The following OPCML variants were observed in gnomAD, a reference collection of about 807,000 sequenced individuals.
The protein encoded by OPCML is opioid binding protein/cell adhesion molecule like.
A neutral mutation model predicts 37.8 loss-of-function variants in OPCML; 13 were observed. The observed-to-expected ratio is 0.34, with a 90% confidence interval of 0.22 to 0.55. OPCML has a LOEUF of 0.55. Ranked by LOEUF, OPCML falls within the 20% of genes least tolerant of loss-of-function variation. The probability of loss-of-function intolerance (pLI) is 0.91; values close to 1 mark genes in which losing one functional copy is unlikely to be tolerated. For synonymous variants in OPCML, 176 were observed against 168.8 expected, an observed-to-expected ratio of 1.04 and a Z score of -0.33; for missense variants, 341 against 435.6, an observed-to-expected ratio of 0.78 and a Z score of 1.93.
At chr11:133,514,608 C>T (rs1565677507) in intron 1 of OPCML, among the ~76,000 whole-genome samples, 1 of 152,196 alleles carries the variant, frequency 6.6e-6, no homozygotes, top group Non-Finnish European at 1.5e-5. Flanking sequence ...GGACAATTCT[C>T]ACTTTTTTAT....
intron 2 of OPCML, among the ~76,000 whole-genome samples, chr11:132,760,425 G>C (rs1197722629): frequency 6.6e-6 from 1 of 152,090 alleles, no homozygotes; most frequent in Non-Finnish European, 1.5e-5. Context: ...CTTATTGTGT[G>C]GGAGTCTGAG....
intron 1 of OPCML, among the ~76,000 whole-genome samples, chr11:133,070,871 G>T (rs1169471222): frequency 1.3e-5 from 2 of 152,278 alleles, no homozygotes; most frequent in East Asian, 1.9e-4. Context: ...GGGCAGGAGA[G>T]TTCATACCCT....
At chr11:132,679,412 T>C (rs1256013761) in intron 2 of OPCML, among the ~76,000 whole-genome samples, 2 of 152,342 alleles carry the variant, frequency 1.3e-5, no homozygotes, top group South Asian at 2.1e-4. Context: ...TTCAGCCATA[T>C]ATAAAGAATA....
At chr11:133,418,712 C>T (rs1051851440) in intron 1 of OPCML, among the ~76,000 whole-genome samples, 6 of 152,236 alleles carry the variant, frequency 3.9e-5, no homozygotes, top group African/African-American at 1.4e-4. Context: ...TAATGAAAGG[C>T]CACCAGTTTA....
At chr11:132,678,106 C>T (rs929950578) in intron 2 of OPCML, among the ~76,000 whole-genome samples, 13 of 152,020 alleles carry the variant, frequency 8.6e-5, no homozygotes, top group African/African-American at 3.1e-4. Context: ...GACACCTCAC[C>T]AAAGAAGACA....
At chr11:132,637,616 G>A (rs1228853168) in intron 3 of OPCML, among the ~76,000 whole-genome samples, 1 of 151,936 alleles carries the variant, frequency 6.6e-6, no homozygotes, top group African/African-American at 2.4e-5. Context: ...GTCTTTGCTT[G>A]GACTTTTGAT....
intron 3 of OPCML, among the ~76,000 whole-genome samples, chr11:132,576,074 C>T (rs1196203772): frequency 1.3e-5 from 2 of 151,858 alleles, no homozygotes; most frequent in Non-Finnish European, 2.9e-5. Context: ...TCTCTTGATA[C>T]TTTCAAAACT....
chr11:133,063,018 G>A (rs959262354), intron 1 of OPCML, among the ~76,000 whole-genome samples: 3 of 152,358 alleles, frequency 2.0e-5, no homozygotes, highest in Middle Eastern at 3.4e-3. Context: ...ATGGCCGGGG[G>A]CCAGCATGGG....
chr11:132,626,936 C>A (rs926009055), intron 3 of OPCML, among the ~76,000 whole-genome samples: 16 of 148,438 alleles, frequency 1.1e-4, no homozygotes, highest in Non-Finnish European at 1.8e-4. Context: ...ATATATATAG[C>A]TTTAAAAAAT....
At chr11:132,435,237 C>T (rs2096009128) in intron 7 of OPCML, 3 of 1,289,642 alleles carry the variant, frequency 2.3e-6, no homozygotes. Context: ...AAACAAAAGA[C>T]ATAGATCACA....
chr11:132,499,220 C>G (rs1214629380), intron 4 of OPCML, among the ~76,000 whole-genome samples: 1 of 152,182 alleles, frequency 6.6e-6, no homozygotes, highest in Non-Finnish European at 1.5e-5. Flanking sequence ...AGCCCTAAGA[C>G]AGCATAGGAA....
At chr11:132,588,572 T>A (rs1043301727) in intron 3 of OPCML, among the ~76,000 whole-genome samples, 4 of 152,138 alleles carry the variant, frequency 2.6e-5, no homozygotes, top group African/African-American at 9.7e-5. Context: ...GCAGCTCTGC[T>A]CCAGCCCCTT....
At chr11:133,283,004 T>C (rs754631785) in intron 1 of OPCML, among the ~76,000 whole-genome samples, 2 of 152,178 alleles carry the variant, frequency 1.3e-5, no homozygotes, top group Non-Finnish European at 2.9e-5. Flanking sequence ...TTTGATTTTA[T>C]AGGCTCATAG....
intron 1 of OPCML, among the ~76,000 whole-genome samples, chr11:133,398,070 G>C (rs1490906275): frequency 1.3e-5 from 2 of 152,178 alleles, no homozygotes; most frequent in Non-Finnish European, 2.9e-5. Flanking sequence ...AAACCTGTCT[G>C]CAAGGAGACA....
At chr11:132,967,976 C>T (rs546248697) in intron 1 of OPCML, among the ~76,000 whole-genome samples, 1 of 152,166 alleles carries the variant, frequency 6.6e-6, no homozygotes, top group South Asian at 2.1e-4. Flanking sequence ...TCATCTGTTA[C>T]AATTGCTGAA....
At chr11:133,106,258 G>C (rs1949155604) in intron 1 of OPCML, among the ~76,000 whole-genome samples, 1 of 152,184 alleles carries the variant, frequency 6.6e-6, no homozygotes, top group Non-Finnish European at 1.5e-5. Context: ...GGACTGTGCA[G>C]TTGCATATCA....
intron 7 of OPCML, among the ~76,000 whole-genome samples, chr11:132,434,153 A>T (rs547820609): frequency 2.6e-5 from 4 of 152,096 alleles, no homozygotes; most frequent in African/African-American, 9.6e-5. Context: ...ACTCAATCCC[A>T]CCCTATCCTC....
At chr11:133,204,886 A>ATGTGTGTG (rs1230785550) in intron 1 of OPCML, among the ~76,000 whole-genome samples, 3 of 42,596 alleles carry the variant, frequency 7.0e-5, no homozygotes, top group African/African-American at 1.9e-4. Context: ...ATATATATAT[A>ATGTGTGTG]TATATATATA....
At chr11:132,614,612 A>C (rs1359468393) in intron 3 of OPCML, among the ~76,000 whole-genome samples, 1 of 152,192 alleles carries the variant, frequency 6.6e-6, no homozygotes, top group Non-Finnish European at 1.5e-5. Context: ...TAGAATCTTG[A>C]AAACATAGGG....
Sources: allele counts gnomAD v4.1 joint callset (sites outside exome capture counted in the v4.1 genomes callset), GRCh38; gene constraint gnomAD v4.1.1; transcripts MANE v1.5; gene names NCBI Gene and HGNC (gene_info 2026-07-23, HGNC 2026-07-21).